Variants in ERBB4 observed in about 807,000 individuals in gnomAD.
ERBB4 encodes receptor tyrosine-protein kinase erbB-4.
In ERBB4, 42 loss-of-function variants were observed where a neutral mutation model predicts 158.0. That is an observed-to-expected ratio of 0.27 (90% CI 0.21 to 0.34). The LOEUF is 0.34. Among genes scored for constraint, ERBB4 ranks in the 10% least tolerant of loss-of-function variants. The pLI is 1.00. For synonymous variants in ERBB4, 583 were observed against 558.7 expected (o/e 1.04, Z -0.61); for missense variants, 1,333 against 1,624.1 (o/e 0.82, Z 3.08).
At chr2:211,429,074 A>T (rs2063696651) in intron 21 of ERBB4, among the ~76,000 whole-genome samples, 1 of 152,078 alleles carries the variant, frequency 6.6e-6, no homozygotes. Flanking sequence ...TTAAGTGGGG[A>T]TAACTTTCTA....
At chr2:212,048,789 A>G (rs568896976) in intron 2 of ERBB4, among the ~76,000 whole-genome samples, 1 of 152,344 alleles carries the variant, frequency 6.6e-6, no homozygotes, top group South Asian at 2.1e-4. Flanking sequence ...TCATGAGCAC[A>G]TACGTAGTAT....
chr2:212,243,589 T>C (rs1352599473), intron 1 of ERBB4, among the ~76,000 whole-genome samples: 2 of 152,166 alleles, frequency 1.3e-5, no homozygotes, highest in Non-Finnish European at 2.9e-5. Flanking sequence ...AGAGTAAATA[T>C]ACTGTAGGAT....
At chr2:212,159,429 T>TA (rs1189192514) in intron 1 of ERBB4, among the ~76,000 whole-genome samples, 1 of 152,010 alleles carries the variant, frequency 6.6e-6, no homozygotes, top group Non-Finnish European at 1.5e-5. Context: ...ACTTCTTAAC[T>TA]AAAACAGATT....
chr2:211,663,875 T>A (rs751039343), intron 15 of ERBB4, among the ~76,000 whole-genome samples: 1 of 152,176 alleles, frequency 6.6e-6, no homozygotes, highest in African/African-American at 2.4e-5. Flanking sequence ...GACTCTTTCT[T>A]CTGCTCCAGC....
chr2:212,205,720 G>T (rs531888156), intron 1 of ERBB4, among the ~76,000 whole-genome samples: 46 of 152,182 alleles, frequency 3.0e-4, no homozygotes, highest in Admixed American at 1.6e-3. Flanking sequence ...ATGTAGGAGG[G>T]TCTTATAGAA....
chr2:211,863,364 C>A (rs962812938), intron 3 of ERBB4, among the ~76,000 whole-genome samples: 1 of 152,222 alleles, frequency 6.6e-6, no homozygotes, highest in African/African-American at 2.4e-5. Flanking sequence ...CTGGCCACCC[C>A]AGCCAGAAGC....
At chr2:211,580,866 CATATATATATATATATATATATATATAT>C (rs56892079) in intron 19 of ERBB4, among the ~76,000 whole-genome samples, 3 of 64,172 alleles carry the variant, frequency 4.7e-5, no homozygotes, top group Admixed American at 2.0e-4. Context: ...TATGCATATA[CATATATATATATATATATATATATATAT>C]ATATATATAT....
chr2:212,228,081 T>A (rs913226496), intron 1 of ERBB4, among the ~76,000 whole-genome samples: 1 of 152,154 alleles, frequency 6.6e-6, no homozygotes, highest in African/African-American at 2.4e-5. Context: ...TATGAAAAAT[T>A]ATAAAATACT....
chr2:212,237,253 G>A (rs911370883), intron 1 of ERBB4, among the ~76,000 whole-genome samples: 1 of 152,122 alleles, frequency 6.6e-6, no homozygotes, highest in African/African-American at 2.4e-5. Context: ...CCTTTGGATG[G>A]GGTTTTTGTG....
At chr2:212,320,861 C>T (rs2087538076) in intron 1 of ERBB4, among the ~76,000 whole-genome samples, 1 of 150,294 alleles carries the variant, frequency 6.7e-6, no homozygotes, top group Middle Eastern at 3.4e-3. Flanking sequence ...AATTGTAAAG[C>T]ATGACATCAA....
chr2:211,445,781 T>C (rs1416173297), intron 20 of ERBB4, among the ~76,000 whole-genome samples: 9 of 152,116 alleles, frequency 5.9e-5, no homozygotes, highest in Admixed American at 4.6e-4. Context: ...AGGCTGTCAC[T>C]TGAAAGAGGA....
chr2:212,107,723 G>T (rs922346270), intron 2 of ERBB4, among the ~76,000 whole-genome samples: 1 of 152,140 alleles, frequency 6.6e-6, no homozygotes, highest in Non-Finnish European at 1.5e-5. Context: ...ACATGTCATG[G>T]GAGGGACCTG....
intron 5 of ERBB4, among the ~76,000 whole-genome samples, chr2:211,726,571 T>A (rs1166873096): frequency 6.6e-6 from 1 of 152,194 alleles, no homozygotes; most frequent in Non-Finnish European, 1.5e-5. Flanking sequence ...TCACTTCTCC[T>A]ACCTAATAAA....
At chr2:212,046,153 G>A (rs769658860) in intron 2 of ERBB4, among the ~76,000 whole-genome samples, 5 of 152,130 alleles carry the variant, frequency 3.3e-5, no homozygotes, top group Non-Finnish European at 7.4e-5. Context: ...AAATAATGCT[G>A]TTGAACAGAA....
intron 3 of ERBB4, among the ~76,000 whole-genome samples, chr2:211,814,718 T>C (rs2076840268): frequency 2.0e-5 from 3 of 152,298 alleles, no homozygotes; most frequent in African/African-American, 7.2e-5. Flanking sequence ...AACTCACTTA[T>C]CTGGTAAATC....
chr2:212,021,716 AT>A (rs2076654281), intron 2 of ERBB4, among the ~76,000 whole-genome samples: 1 of 152,198 alleles, frequency 6.6e-6, no homozygotes, highest in Admixed American at 6.5e-5. Flanking sequence ...GAAAAGATTG[AT>A]AAATGGGATC....
At chr2:211,934,630 AC>A (rs1437127631) in intron 3 of ERBB4, among the ~76,000 whole-genome samples, 5 of 151,918 alleles carry the variant, frequency 3.3e-5, no homozygotes, top group Admixed American at 6.6e-5. Flanking sequence ...AGAAGACATC[AC>A]CCCATGAGTA....
chr2:212,111,298 C>T (rs542614628), intron 2 of ERBB4, among the ~76,000 whole-genome samples: 2 of 152,292 alleles, frequency 1.3e-5, no homozygotes, highest in African/African-American at 2.4e-5. Context: ...ATAACTGATT[C>T]CAGGCTCTCA....
chr2:212,374,819 C>T lies in ERBB4; in HGVS notation c.82+163630G>A, dbSNP rs143317852. Among the ~76,000 whole-genome samples the T allele has an allele frequency of 8.5e-3, 1,286 of 151,944 alleles. 12 individuals carry two copies. Among genetic ancestry groups the T allele is most frequent in the Middle Eastern group, 0.041 (12 of 294 alleles). ...AATTTTCTTTAGTCACTGATTTACTCTGTGGCACAATCATAGCAGATAGTG... is the reference window on the plus strand; with the variant it reads ...AATTTTCTTTAGTCACTGATTTACTTTGTGGCACAATCATAGCAGATAGTG... On this transcript the variant is annotated intron_variant, in intron 1 of 27. Coordinates refer to ENST00000342788, the MANE Select transcript of ERBB4 (RefSeq NM_005235.3).
Sources: gnomAD v4.1 joint callset for allele counts (sites outside exome capture counted in the v4.1 genomes callset) on GRCh38, gnomAD v4.1.1 for gene constraint, MANE v1.5 for transcripts, NCBI Gene and HGNC (gene_info 2026-07-23, HGNC 2026-07-21) for gene names.